Variants in PDE10A observed in about 807,000 individuals in gnomAD.
PDE10A encodes the protein phosphodiesterase 10A, also known as cAMP and cAMP-inhibited cGMP 3',5'-cyclic phosphodiesterase 10A.
Under a neutral mutation model 97.7 loss-of-function variants are expected in PDE10A, and 39 were observed. The observed-to-expected ratio is 0.40, with a 90% CI of 0.31 to 0.52. PDE10A has a LOEUF of 0.52. PDE10A is among the 20% of genes least tolerant of loss of function. The pLI is 0.56. For missense variants in PDE10A, 731 were observed against 1,047.8 expected, an observed-to-expected ratio of 0.70 and a Z score of 4.17; for synonymous variants, 371 against 376.8, an observed-to-expected ratio of 0.98 and a Z score of 0.18.
intron 1 of PDE10A, among the ~76,000 whole-genome samples, chr6:165,658,242 A>G (rs1024602580): frequency 7.9e-5 from 12 of 152,220 alleles, no homozygotes; most frequent in Admixed American, 6.5e-4. Flanking sequence ...TGTCTCAAGA[A>G]ACAGTAAGAG....
rs1779494800 is a variant in PDE10A, at chr6:165,819,045, T to C, written c.-615+168484A>G. 6.6e-6 allele frequency among the ~76,000 whole-genome samples: 1 copy of C among 152,240 alleles called. No homozygotes were observed. ...CTAAAAATATGTACCTTTCATTCTG[T>C]ACATTTATGAAGCCTCCGTCTAAGC... On this transcript the variant is annotated intron_variant, in intron 1 of 19. Transcript: ENST00000366882. This position sits in a 1 kb window ranked among gnomAD's most constrained non-coding sequence, Gnocchi z 4.2.
intron 1 of PDE10A, among the ~76,000 whole-genome samples, chr6:165,885,477 C>T (rs1010253226): frequency 1.6e-4 from 25 of 152,162 alleles, no homozygotes; most frequent in African/African-American, 5.8e-4. Context: ...TCCCCTGACA[C>T]ATGAGGATTA....
chr6:165,516,910 T>C (rs1037363591), intron 2 of PDE10A, among the ~76,000 whole-genome samples: 12 of 152,122 alleles, frequency 7.9e-5, no homozygotes, highest in Non-Finnish European at 1.6e-4. Flanking sequence ...TGATAAGCAA[T>C]ATATAATTAC....
intron 1 of PDE10A, among the ~76,000 whole-genome samples, chr6:165,698,418 A>G (rs1469022581): frequency 6.6e-6 from 1 of 152,250 alleles, no homozygotes; most frequent in Admixed American, 6.5e-5. Context: ...GGAGTCTTAC[A>G]TAGGGAACAC....
At chr6:165,529,925 A>G (rs1782672454) in intron 2 of PDE10A, among the ~76,000 whole-genome samples, 1 of 152,150 alleles carries the variant, frequency 6.6e-6, no homozygotes, top group Non-Finnish European at 1.5e-5. Flanking sequence ...TGGAGGATGC[A>G]GAGTATTAAT....
intron 1 of PDE10A, chr6:165,781,747 C>G (rs1205128031): frequency 6.6e-6 from 1 of 152,392 alleles, no homozygotes; most frequent in Non-Finnish European, 1.5e-5. Flanking sequence ...GGAACTCAAT[C>G]TGCTGTTGCT....
chr6:165,825,836 C>T (rs551687782), intron 1 of PDE10A, among the ~76,000 whole-genome samples: 1 of 152,314 alleles, frequency 6.6e-6, no homozygotes, highest in African/African-American at 2.4e-5. Context: ...ATCAGCCACT[C>T]CCAACTTTCT....
chr6:165,396,430 G>GCCGGGTAATCGC lies in PDE10A; in HGVS notation c.2105_2106insGCGATTACCCGG (p.Cys702delinsTrpArgLeuProGly). 1 of 1,612,506 alleles carries GCCGGGTAATCGC rather than the reference G, an allele frequency of 6.2e-7. No individual in the cohort carries two copies. Among genetic ancestry groups the GCCGGGTAATCGC allele is most frequent in the Non-Finnish European group, 8.5e-7 (1 of 1,179,074 alleles). On this transcript the variant is annotated protein_altering_variant, in exon 14 of 22. Coordinates refer to ENST00000539869, the MANE Select transcript of PDE10A (RefSeq NM_001385079.1). ...GCTTTTCCATCGTTACCCGGTAAAT[G>GCCGGGTAATCGC]CACTCTGAGTGGCGAATTCTATGAT...
intron 2 of PDE10A, among the ~76,000 whole-genome samples, chr6:165,491,344 G>A (rs1269508828): frequency 3.3e-5 from 5 of 152,180 alleles, no homozygotes; most frequent in Admixed American, 3.3e-4. Context: ...CATCAAGACA[G>A]AAAGTCAACA....
intron 13 of PDE10A, among the ~76,000 whole-genome samples, chr6:165,408,492 G>A (rs1787402359): frequency 6.6e-6 from 1 of 152,142 alleles, no homozygotes; most frequent in Admixed American, 6.5e-5. Context: ...CTTGGTCATT[G>A]GCAGTAGTTC....
intron 1 of PDE10A, among the ~76,000 whole-genome samples, chr6:165,792,635 C>T (rs1778691370): frequency 6.6e-6 from 1 of 152,104 alleles, no homozygotes; most frequent in Non-Finnish European, 1.5e-5. Flanking sequence ...TGGGTGACTC[C>T]TCCAGTGCTG....
intron 2 of PDE10A, among the ~76,000 whole-genome samples, chr6:165,504,994 G>T (rs1040658852): frequency 6.6e-6 from 1 of 152,206 alleles, no homozygotes; most frequent in Non-Finnish European, 1.5e-5. Flanking sequence ...ACAGCCACCA[G>T]ATTGCTGTCG....
intron 3 of PDE10A, among the ~76,000 whole-genome samples, chr6:165,465,906 C>T (rs1778618408): frequency 6.6e-6 from 1 of 152,168 alleles, no homozygotes; most frequent in Admixed American, 6.5e-5. Context: ...TTAGAGAATG[C>T]ATCTTAAAGA....
Position 165,432,968 on chromosome 6 carries a change from C to T in PDE10A, c.1491+6G>A, listed in dbSNP as rs778008956. 7.4e-6 allele frequency: 12 copies of T among 1,612,092 alleles called. No individual in the cohort carries two copies. The highest frequency in any genetic ancestry group is 4.0e-5 in the African/African-American group (3 of 74,798). The stretch of plus-strand genomic sequence containing the variant: ...AATTCTAACATGCAGCATTTAAAGG[C>T]CTTACCTCCTGGTGACTAAGACAGA... On this transcript the variant is annotated splice_donor_region_variant and intron_variant, in intron 7 of 21. Coordinates refer to ENST00000539869, the MANE Select transcript of PDE10A (RefSeq NM_001385079.1).
intron 1 of PDE10A, among the ~76,000 whole-genome samples, chr6:165,794,559 TC>T (rs1342886396): frequency 1.3e-5 from 2 of 151,240 alleles, no homozygotes; most frequent in Non-Finnish European, 3.0e-5. Context: ...ACTCACAAGG[TC>T]ACTTACACAC....
chr6:165,717,359 G>A (rs553698427), intron 1 of PDE10A, among the ~76,000 whole-genome samples: 2 of 152,340 alleles, frequency 1.3e-5, no homozygotes, highest in East Asian at 3.9e-4. Flanking sequence ...GGGAGGCAAA[G>A]TGGGTGGATC....
chr6:165,484,728 G>A (rs1395868555), intron 2 of PDE10A, among the ~76,000 whole-genome samples: 1 of 152,234 alleles, frequency 6.6e-6, no homozygotes, highest in Non-Finnish European at 1.5e-5. Context: ...ACAGTGGCAA[G>A]TGAGCTGAGT....
chr6:165,785,066 C>T (rs1027491579), intron 1 of PDE10A, among the ~76,000 whole-genome samples: 1 of 152,214 alleles, frequency 6.6e-6, no homozygotes, highest in Non-Finnish European at 1.5e-5. Context: ...GGGATAATTT[C>T]TTGGGAGTCT....
chr6:165,422,362 C>T (rs912512103), intron 10 of PDE10A, among the ~76,000 whole-genome samples: 6 of 148,740 alleles, frequency 4.0e-5, no homozygotes, highest in East Asian at 2.0e-4. Context: ...TACACACATA[C>T]GCATATACAC....
Sources: gnomAD v4.1 joint callset for allele counts (sites outside exome capture counted in the v4.1 genomes callset) on GRCh38, gnomAD v4.1.1 for gene constraint, Gnocchi (gnomAD v3.1) non-coding constraint, MANE v1.5 for transcripts, NCBI Gene and HGNC (gene_info 2026-07-23, HGNC 2026-07-21) for gene names.